PISD: variants seen among roughly 807,000 people sequenced by gnomAD.
The protein encoded by PISD is phosphatidylserine decarboxylase, also known as phosphatidylserine decarboxylase proenzyme, mitochondrial.
Under a neutral mutation model 43.5 loss-of-function variants are expected in PISD, and 31 were observed. The observed-to-expected ratio is 0.71, with a 90% CI of 0.54 to 0.96. The LOEUF (loss-of-function observed/expected upper bound fraction) is 0.96. PISD is among the 40% of genes least tolerant of loss of function. The pLI is 0.00. For synonymous variants in PISD, 259 were observed against 228.7 expected (o/e 1.13, Z -1.20); for missense variants, 523 against 548.4 (o/e 0.95, Z 0.46).
chr22:31,621,469 T>A lies in PISD; in HGVS notation c.562A>T (p.Ser188Cys). 6.2e-7 allele frequency: 1 copy of A among 1,614,114 alleles called. No individual in the cohort carries two copies. The highest frequency in any genetic ancestry group is 8.5e-7 in the Non-Finnish European group (1 of 1,180,022). ...TTGAGGATCCTTCCATCCGATGGGC[T>A]AATCTGGAAGGGCAGGAGAGGCTTG... ...RPVCGLHSVI[S>C]PSDGRILNFG... is the part of the protein sequence containing the mutation. Residue 188 changes from serine (S) to cysteine (C), a missense_variant, in exon 5 of 8, where the codon AGC becomes TGC. By Grantham distance (112) the Ser-to-Cys change is moderately radical. Coordinates refer to ENST00000439502, the MANE Select transcript of PISD (RefSeq NM_001326411.2).
rs376275466 is a variant in PISD, at chr22:31,619,617, G to T, written c.1225C>A (p.Leu409Ile). 2 of 1,612,702 alleles carry T rather than the reference G, an allele frequency of 1.2e-6. No homozygotes were observed. The highest frequency in any genetic ancestry group is 1.7e-6 in the Non-Finnish European group (2 of 1,178,720). The change falls in exon 8 of 8, where the codon CTC becomes ATC. Residue 409 changes from leucine to isoleucine, a missense_variant. Coordinates refer to ENST00000439502, the MANE Select transcript of PISD (RefSeq NM_001326411.2). Reference protein sequence around the residue: ...KIRFGEALGSL With the variant: ...KIRFGEALGSI ...CCATAATCAGGAAAGAGACTCTAGA[G>T]CGAGCCCAGGGCTTCCCCAAAGCGG...
chr22:31,642,673 T>C (rs1489823286), intron 3 of PISD, among the ~76,000 whole-genome samples: 1 of 149,400 alleles, frequency 6.7e-6, no homozygotes, highest in Admixed American at 6.6e-5. Context: ...CGCGCACCTG[T>C]AGTCCCGGCT....
intron 3 of PISD, among the ~76,000 whole-genome samples, chr22:31,645,625 G>A (rs572318127): frequency 2.8e-5 from 4 of 144,968 alleles, no homozygotes; most frequent in South Asian, 2.3e-4. Flanking sequence ...TGATCCACCC[G>A]CCTCAGCCTC....
chr22:31,626,095 C>T (rs1264698680), intron 3 of PISD: 1 of 1,331,040 alleles, frequency 7.5e-7, no homozygotes, highest in East Asian at 2.8e-5. Context: ...GCAAAAGCCC[C>T]TGCACTAAAG....
intron 3 of PISD, among the ~76,000 whole-genome samples, chr22:31,641,300 T>C (rs1050004139): frequency 3.9e-5 from 6 of 152,132 alleles, no homozygotes; most frequent in African/African-American, 1.4e-4. Context: ...ATTGCCAGAA[T>C]TGCTATTATT....
Position 31,620,726 on chromosome 22 carries a change from G to A in PISD, c.845-13C>T, listed in dbSNP as rs1251862384. Reference sequence around the variant, plus strand: ...GACATCAGGGAGCCTGCAGAGGCAGGGAATGCCGCTACTCCCCGTCCAGAG... The same window carrying A: ...GACATCAGGGAGCCTGCAGAGGCAGAGAATGCCGCTACTCCCCGTCCAGAG... On this transcript the variant is annotated splice_polypyrimidine_tract_variant and intron_variant, in intron 6 of 7. Transcript: ENST00000439502. The A allele has an allele frequency of 1.3e-5, 21 of 1,613,880 alleles. No individual in the cohort carries two copies. The highest frequency in any genetic ancestry group is 1.6e-5 in the Non-Finnish European group (19 of 1,179,920).
At chr22:31,655,864 T>A (rs935264257) in intron 1 of PISD, among the ~76,000 whole-genome samples, 1 of 151,962 alleles carries the variant, frequency 6.6e-6, no homozygotes, top group African/African-American at 2.4e-5. Context: ...CTCGAACTCC[T>A]GACCTCAAGT....
intron 2 of PISD, among the ~76,000 whole-genome samples, 192 bp downstream of exon 2, chr22:31,650,507 C>T (rs1601437256): frequency 6.9e-6 from 1 of 144,764 alleles, no homozygotes; most frequent in African/African-American, 2.6e-5. Context: ...CCAGCCTGGG[C>T]GACAGAGCAA....
chr22:31,650,735 G>A lies in PISD; in HGVS notation c.109C>T (p.Pro37Ser). 6.4e-7 allele frequency: 1 copy of A among 1,556,234 alleles called. No individual in the cohort carries two copies. Among genetic ancestry groups the A allele is most frequent in the Non-Finnish European group, 8.7e-7 (1 of 1,149,728 alleles). The change falls in exon 2 of 8, where the codon CCC becomes TCC. Residue 37 changes from proline to serine, a missense_variant. Physicochemically the swap from Pro to Ser is moderately conservative, Grantham distance 74 (BLOSUM62 -1). Transcript: ENST00000439502. The stretch of plus-strand genomic sequence containing the variant: ...GCTCTAAAAGGCAGCTTCCGTAAGG[G>A]CTGTAGGGATTGGCTCAGGGCAGTG... ...EITALSQSLQ[P>S]LRKLPFRAFR...
chr22:31,657,786 C>T (rs150444406), intron 1 of PISD, among the ~76,000 whole-genome samples: 93 of 152,302 alleles, frequency 6.1e-4, no homozygotes, highest in Non-Finnish European at 9.6e-4. Flanking sequence ...CTCCAAAGTG[C>T]TGGGATTACA....
At chr22:31,652,066 T>C (rs1488117454) in intron 1 of PISD, among the ~76,000 whole-genome samples, 1 of 152,244 alleles carries the variant, frequency 6.6e-6, no homozygotes, top group African/African-American at 2.4e-5. Flanking sequence ...ATTGATATTT[T>C]TGTGAAAAAT....
intron 1 of PISD, among the ~76,000 whole-genome samples, chr22:31,651,602 G>T (rs1438906272): frequency 1.3e-5 from 2 of 152,024 alleles, no homozygotes. Context: ...TACAAAATTA[G>T]CTGGGTGTGG....
intron 3 of PISD, among the ~76,000 whole-genome samples, chr22:31,634,834 CAAA>C (rs33999998): frequency 5.1e-4 from 41 of 81,084 alleles, no homozygotes; most frequent in African/African-American, 1.9e-3. Context: ...GACTCCATCT[CAAA>C]AAAAAAAAAA....
chr22:31,635,724 G>A (rs779639146), intron 3 of PISD, among the ~76,000 whole-genome samples: 10 of 152,134 alleles, frequency 6.6e-5, no homozygotes, highest in African/African-American at 1.9e-4. Flanking sequence ...CCACCGTTCC[G>A]CCCTCTGCGA....
At chr22:31,650,873 T>A in intron 1 of PISD, 95 bp from the exon 2 acceptor site, 1 of 722,848 alleles carries the variant, frequency 1.4e-6, no homozygotes, top group Non-Finnish European at 2.3e-6. Context: ...AACAATATTG[T>A]AGCAATGTAA....
At chr22:31,652,709 G>A (rs1439621486) in intron 1 of PISD, among the ~76,000 whole-genome samples, 3 of 150,344 alleles carry the variant, frequency 2.0e-5, no homozygotes, top group African/African-American at 7.4e-5. Flanking sequence ...TCGGGAGGCT[G>A]AGGCAGGAGA....
At chr22:31,661,270 C>T (rs1217534508) in intron 1 of PISD, among the ~76,000 whole-genome samples, 1 of 152,108 alleles carries the variant, frequency 6.6e-6, no homozygotes, top group African/African-American at 2.4e-5. Flanking sequence ...CCTCCCAAAA[C>T]AATAGGTTAT....
At chr22:31,655,785 C>T (rs2074153282) in intron 1 of PISD, among the ~76,000 whole-genome samples, 1 of 152,162 alleles carries the variant, frequency 6.6e-6, no homozygotes, top group East Asian at 2.0e-4. Context: ...CAGGCACAAG[C>T]CACCACACCC....
At chr22:31,621,951 G>T in intron 3 of PISD, 66 bp from the exon 4 acceptor site, 2 of 1,207,176 alleles carry the variant, frequency 1.7e-6, no homozygotes, top group Non-Finnish European at 2.4e-6. Context: ...CCCAAGTAGT[G>T]TCATTAGCCC....
Sources: gnomAD v4.1 joint callset for allele counts (sites outside exome capture counted in the v4.1 genomes callset) on GRCh38, gnomAD v4.1.1 for gene constraint, MANE v1.5 for transcripts, NCBI Gene and HGNC (gene_info 2026-07-23, HGNC 2026-07-21) for gene names.